The following IMPG1 variants were observed in gnomAD, a reference collection of about 807,000 sequenced individuals.
The protein encoded by IMPG1 is interphotoreceptor matrix proteoglycan of 150 kDa.
Under a neutral mutation model 92.0 loss-of-function variants are expected in IMPG1, and 85 were observed. That is an observed-to-expected ratio of 0.92 (90% CI 0.78 to 1.11). The LOEUF (loss-of-function observed/expected upper bound fraction) is 1.11, where lower values mean the gene tolerates loss of function less well. Among genes scored for constraint, IMPG1 ranks in the 50% least tolerant of loss-of-function variants. The pLI is 0.00. For missense variants in IMPG1, 1,022 were observed against 956.0 expected (o/e 1.07, Z -0.91); for synonymous variants, 367 against 334.1 (o/e 1.10, Z -1.08).
chr6:75,965,106 G>A (rs1782284636), intron 12 of IMPG1, among the ~76,000 whole-genome samples: 2 of 152,260 alleles, frequency 1.3e-5, no homozygotes, highest in South Asian at 4.1e-4. Context: ...TACTCTTGAA[G>A]GACATCTGGG....
In IMPG1 at chr6:75,937,264, C is replaced by CT. The variant is rs752667034; in HGVS notation, c.2045-6114dup. ...GGACTTTTGTTTCTGAGAGTAAACA[C>CT]TTTTTTTTTTTTTGCATTCTAAGAC... On this transcript the variant is annotated intron_variant, in intron 14 of 16. Coordinates refer to ENST00000369950, the MANE Select transcript of IMPG1 (RefSeq NM_001563.4). Among the ~76,000 whole-genome samples the CT allele has an allele frequency of 3.8e-3, 549 of 143,578 alleles. 2 individuals are homozygous for CT. Among genetic ancestry groups the CT allele is most frequent in the East Asian group, 0.015 (75 of 4,952 alleles). 94.2% of individuals were successfully genotyped at this position (143,578 alleles called of 152,430 possible).
chr6:76,032,684 G>T (rs530177115), intron 4 of IMPG1, among the ~76,000 whole-genome samples: 1 of 152,288 alleles, frequency 6.6e-6, no homozygotes, highest in East Asian at 1.9e-4. Flanking sequence ...CAAATAGTCT[G>T]TTAAGACATC....
intron 1 of IMPG1, among the ~76,000 whole-genome samples, chr6:76,057,063 C>T: frequency 6.6e-6 from 1 of 152,264 alleles, no homozygotes; most frequent in African/African-American, 2.4e-5. Flanking sequence ...CCAAATACCA[C>T]ATGTTCTCAT....
At chr6:75,938,142 A>G (rs752571860) in intron 14 of IMPG1, among the ~76,000 whole-genome samples, 32 of 152,344 alleles carry the variant, frequency 2.1e-4, no homozygotes, top group Middle Eastern at 3.4e-3. Context: ...GGGGAATGGC[A>G]CACCTAGTGC....
At chr6:76,037,979 T>C (rs1484816777) in intron 2 of IMPG1, among the ~76,000 whole-genome samples, 2 of 152,254 alleles carry the variant, frequency 1.3e-5, no homozygotes, top group African/African-American at 2.4e-5. Context: ...ACTAATTGTG[T>C]TCTTCGTTGA....
rs1783853316 is a variant in IMPG1, at chr6:76,042,054, C to G, written c.140G>C (p.Ser47Thr). Residue 47 changes from serine to threonine, a missense_variant, in exon 2 of 17, where the codon AGT becomes ACT. Coordinates refer to ENST00000369950, the MANE Select transcript of IMPG1 (RefSeq NM_001563.4). Reference sequence around the variant, plus strand: ...TGACATTTTGTACATTTTTTCAGTACTTTCAGTTGTTTCATTTCTTGGGGG... The same window carrying G: ...TGACATTTTGTACATTTTTTCAGTAGTTTCAGTTGTTTCATTTCTTGGGGG... ...DNPPRNETTESTEKMYKMSTM... is the reference protein window; with the variant it reads ...DNPPRNETTETTEKMYKMSTM... The G allele has an allele frequency of 2.5e-6, 4 of 1,611,724 alleles. No homozygotes were observed. In the Admixed American group the frequency reaches 6.7e-5, roughly 27 times the overall value.
At chr6:76,011,589 A>T (rs1032411287) in intron 7 of IMPG1, among the ~76,000 whole-genome samples, 4 of 151,928 alleles carry the variant, frequency 2.6e-5, no homozygotes, top group African/African-American at 9.7e-5. Context: ...TTATTTATTT[A>T]TTTTTTTAAT....
At chr6:76,042,179 G>T in intron 1 of IMPG1, 53 bp from the exon 2 acceptor site, 1 of 929,846 alleles carries the variant, frequency 1.1e-6, no homozygotes, top group Non-Finnish European at 1.8e-6. Flanking sequence ...TGTGTTATAT[G>T]TGACATATAT....
chr6:75,962,130 TG>T (rs11336173), intron 12 of IMPG1, among the ~76,000 whole-genome samples: 54,073 of 151,442 alleles, frequency 0.36, 9,827 homozygotes, highest in East Asian at 0.54. Context: ...TTTGCCATTT[TG>T]TTTTTTGAGA....
intron 15 of IMPG1, chr6:75,928,530 T>A (rs1302547005): frequency 6.6e-6 from 1 of 152,176 alleles, no homozygotes; most frequent in African/African-American, 2.4e-5. Context: ...CTGAACATAG[T>A]GAATTCTCTC....
At chr6:75,958,679 T>C (rs1199865885) in intron 12 of IMPG1, among the ~76,000 whole-genome samples, 1 of 152,142 alleles carries the variant, frequency 6.6e-6, no homozygotes, top group African/African-American at 2.4e-5. Flanking sequence ...CGCCCATTAA[T>C]GTGTATGCCT....
chr6:76,034,618 C>T lies in IMPG1; in HGVS notation c.468+3G>A, dbSNP rs747229212. 2 of 1,614,016 alleles carry T rather than the reference C, an allele frequency of 1.2e-6. No individual in the cohort carries two copies. The highest frequency in any genetic ancestry group is 1.1e-5 in the South Asian group (1 of 91,066). ...CAAATAACCATGTGGTGTTTAGGCT[C>T]ACCTGCTGGAGAAGATCCAGGTGCT... On this transcript the variant is annotated splice_donor_region_variant and intron_variant, in intron 3 of 16. Transcript: ENST00000369950.
At chr6:76,018,622 G>C in intron 7 of IMPG1, 96 bp downstream of exon 7, 1 of 1,095,900 alleles carries the variant, frequency 9.1e-7, no homozygotes, top group Non-Finnish European at 1.3e-6. Context: ...AATGCCAGGA[G>C]AAGCTGGAAC....
chr6:75,974,572 C>G (rs138246069), intron 12 of IMPG1, among the ~76,000 whole-genome samples: 2 of 150,844 alleles, frequency 1.3e-5, no homozygotes, highest in Non-Finnish European at 3.0e-5. Flanking sequence ...CAGGTTCAAG[C>G]GATTCTCCTA....
chr6:75,997,437 A>G (rs1247071207), intron 12 of IMPG1, among the ~76,000 whole-genome samples: 1 of 152,140 alleles, frequency 6.6e-6, no homozygotes, highest in African/African-American at 2.4e-5. Context: ...GGAAGTGTAC[A>G]TTTTTGGGCT....
At chr6:75,947,098 G>C (rs554220040) in intron 14 of IMPG1, among the ~76,000 whole-genome samples, 1 of 152,094 alleles carries the variant, frequency 6.6e-6, no homozygotes, top group Middle Eastern at 3.2e-3. Context: ...AGGTGTGCTT[G>C]TTCATTGCTT....
chr6:75,978,839 G>A (rs1156482373), intron 12 of IMPG1, among the ~76,000 whole-genome samples: 1 of 152,096 alleles, frequency 6.6e-6, no homozygotes, highest in Non-Finnish European at 1.5e-5. Context: ...ATACCTAAAT[G>A]TCACAGCCAA....
chr6:75,974,013 G>A (rs1782464285), intron 12 of IMPG1, among the ~76,000 whole-genome samples: 1 of 152,180 alleles, frequency 6.6e-6, no homozygotes. Flanking sequence ...ACCACAAGCT[G>A]TGATCATTTG....
intron 14 of IMPG1, among the ~76,000 whole-genome samples, chr6:75,937,984 G>A (rs1279564165): frequency 6.6e-6 from 1 of 152,210 alleles, no homozygotes; most frequent in Non-Finnish European, 1.5e-5. Context: ...CAGCCTAAAT[G>A]AAAGACGACT....
Sources: gnomAD v4.1 joint callset for allele counts (sites outside exome capture counted in the v4.1 genomes callset) on GRCh38, gnomAD v4.1.1 for gene constraint, MANE v1.5 for transcripts, NCBI Gene and HGNC (gene_info 2026-07-23, HGNC 2026-07-21) for gene names.